The following CFAP57 variants were observed in gnomAD, a reference collection of about 807,000 sequenced individuals.
CFAP57 encodes cilia and flagella associated protein 57.
Under a neutral mutation model 146.8 loss-of-function variants are expected in CFAP57, and 116 were observed. The ratio of observed to expected loss-of-function variants is 0.79; its 90% CI spans 0.68 to 0.92. The LOEUF is 0.92. CFAP57 is among the 40% of genes least tolerant of loss of function. CFAP57 has a pLI of 0.00. For missense variants in CFAP57, 1,377 were observed against 1,527.2 expected, an observed-to-expected ratio of 0.90 and a Z score of 1.64; for synonymous variants, 518 against 552.8, an observed-to-expected ratio of 0.94 and a Z score of 0.88.
chr1:43,183,231 G>C (rs1298002417), intron 3 of CFAP57, among the ~76,000 whole-genome samples: 1 of 152,220 alleles, frequency 6.6e-6, no homozygotes, highest in Non-Finnish European at 1.5e-5. Flanking sequence ...CCCCTGACAT[G>C]TGGTTTCTTT....
rs893895081 is a variant in CFAP57 at position 43,203,965 on chromosome 1, A to G, written c.1543-2755A>G. 4.0e-4 allele frequency among the ~76,000 whole-genome samples: 61 copies of G among 152,196 alleles called. 4 individuals are homozygous for G. On this transcript the variant is annotated intron_variant, in intron 9 of 22. Coordinates refer to ENST00000372492, the MANE Select transcript of CFAP57 (RefSeq NM_001378189.1). Reference sequence around the variant, plus strand: ...CTTCTCCTAGTGCTCTCATTACAGTACCATACGTGGGTGCATTTAATGGAT... The same window carrying G: ...CTTCTCCTAGTGCTCTCATTACAGTGCCATACGTGGGTGCATTTAATGGAT...
At position 43,215,252 on chromosome 1, in the gene CFAP57, C is replaced by T; in HGVS notation, c.1930-3C>T. 6.4e-7 allele frequency: 1 copy of T among 1,551,068 alleles called. No individual in the cohort carries two copies. ...TCCTGGCCATGACCCTTTTTCTCTT[C>T]AGATGTTGCTTACCTTTGATGATCA... is the stretch of plus-strand genomic sequence containing the variant. On this transcript the variant is annotated splice_polypyrimidine_tract_variant and splice_region_variant and intron_variant, in intron 11 of 22. Transcript: ENST00000372492.
intron 2 of CFAP57, chr1:43,177,105 A>T: frequency 2.2e-6 from 1 of 456,090 alleles, no homozygotes; most frequent in Non-Finnish European, 4.4e-6. Flanking sequence ...TGGCAACATG[A>T]TCTGTGTTTC....
intron 6 of CFAP57, among the ~76,000 whole-genome samples, chr1:43,193,267 T>C (rs759146177): frequency 1.3e-5 from 2 of 152,176 alleles, no homozygotes; most frequent in African/African-American, 2.4e-5. Flanking sequence ...TTCCAAACTG[T>C]GTCTCTTATA....
intron 19 of CFAP57, 118 bp from the exon 20 acceptor site, chr1:43,234,161 T>C: frequency 8.3e-7 from 1 of 1,203,804 alleles, no homozygotes; most frequent in Non-Finnish European, 1.1e-6. Flanking sequence ...GGCAGTCAGC[T>C]GTAAGTCCCA....
rs373115482 is a variant in CFAP57, at chr1:43,209,750, G to A, written c.1763G>A (p.Arg588Gln). The stretch of plus-strand genomic sequence containing the variant: ...GAGCTGCCTGTGTCTCAGATCCTTC[G>A]AGAGATATCGGCGTTTGATGTCACC... Reference protein sequence around the residue: ...LKEIADSLILREISAFDVTYT... With the variant: ...LKEIADSLILQEISAFDVTYT... Residue 588 changes from arginine (R) to glutamine (Q), a missense_variant, in exon 11 of 23, where the codon CGA (arginine) becomes CAA (glutamine). Physicochemically the swap from Arg to Gln is conservative, Grantham distance 43 (BLOSUM62 1). Transcript: ENST00000372492. 9 of 1,613,898 alleles carry A rather than the reference G, an allele frequency of 5.6e-6. No individual in the cohort carries two copies. The highest frequency in any genetic ancestry group is 1.7e-5 in the Admixed American group (1 of 60,004).
chr1:43,228,576 CA>C (rs1266564519), intron 18 of CFAP57, among the ~76,000 whole-genome samples: 3 of 147,364 alleles, frequency 2.0e-5, no homozygotes, highest in South Asian at 4.4e-4. Flanking sequence ...AGTCCAGGGC[CA>C]GGGGGCCCAG....
At position 43,173,955 on chromosome 1, in the gene CFAP57, C is replaced by A. The variant is rs549481432; in HGVS notation, c.157+1045C>A. Among the ~76,000 whole-genome samples, 151 of 152,274 alleles carry A rather than the reference C, an allele frequency of 9.9e-4. 1 individual carries two copies. Among genetic ancestry groups the A allele is most frequent in the African/African-American group, 3.5e-3 (146 of 41,534 alleles). On this transcript the variant is annotated intron_variant, in intron 2 of 22. Coordinates refer to ENST00000372492, the MANE Select transcript of CFAP57 (RefSeq NM_001378189.1). ...GTCCAACTTCGTAATTTTTTGCTAA[C>A]CCAATGGTTGAGAAAAGGAATTGTG...
intron 21 of CFAP57, among the ~76,000 whole-genome samples, chr1:43,234,851 C>A (rs1163729167): frequency 6.6e-6 from 1 of 152,090 alleles, no homozygotes; most frequent in Non-Finnish European, 1.5e-5. Context: ...TTTCTAGGCA[C>A]TTCCATGCTG....
At chr1:43,250,679 C>G (rs539418369) in intron 22 of CFAP57, among the ~76,000 whole-genome samples, 1 of 152,312 alleles carries the variant, frequency 6.6e-6, no homozygotes, top group East Asian at 1.9e-4. Flanking sequence ...AGCCAGAGTG[C>G]ACCCTTTCTC....
At chr1:43,176,759 GT>G (rs1645188325) in intron 2 of CFAP57, among the ~76,000 whole-genome samples, 1 of 152,192 alleles carries the variant, frequency 6.6e-6, no homozygotes, top group Non-Finnish European at 1.5e-5. Context: ...AAGTGAAGCC[GT>G]TGGGGGAGTA....
At chr1:43,243,712 T>C (rs1646012054) in intron 22 of CFAP57, among the ~76,000 whole-genome samples, 1 of 152,224 alleles carries the variant, frequency 6.6e-6, no homozygotes, top group Non-Finnish European at 1.5e-5. Flanking sequence ...ATATGAATAT[T>C]CACACTAAGC....
At chr1:43,200,389 C>T (rs551837830) in intron 9 of CFAP57, among the ~76,000 whole-genome samples, 198 of 150,054 alleles carry the variant, frequency 1.3e-3, no homozygotes, top group Admixed American at 1.8e-3. Context: ...TGGGAGGCTG[C>T]GGTGGGAGGA....
At chr1:43,231,464 A>G (rs968357519) in intron 18 of CFAP57, among the ~76,000 whole-genome samples, 1 of 152,232 alleles carries the variant, frequency 6.6e-6, no homozygotes, top group Non-Finnish European at 1.5e-5. Flanking sequence ...GAGTTAGGTC[A>G]ATGAAAGCTC....
chr1:43,226,925 G>T, intron 17 of CFAP57, 58 bp from the exon 18 acceptor site: 1 of 1,436,674 alleles, frequency 7.0e-7, no homozygotes, highest in South Asian at 1.6e-5. Flanking sequence ...TGCCCTAAAG[G>T]GCTGCAGTAT....
chr1:43,212,935 C>CAAAAAA (rs374038535), intron 11 of CFAP57, among the ~76,000 whole-genome samples: 2 of 129,058 alleles, frequency 1.5e-5, no homozygotes, highest in African/African-American at 2.9e-5. Context: ...GACTCTATCT[C>CAAAAAA]AAAAAAAAAA....
intron 22 of CFAP57, among the ~76,000 whole-genome samples, chr1:43,247,979 G>T (rs1646174559): frequency 6.6e-6 from 1 of 151,738 alleles, no homozygotes; most frequent in South Asian, 2.1e-4. Context: ...CAAAAAATTA[G>T]CCGGGCGTGG....
chr1:43,181,401 G>C, intron 2 of CFAP57, 133 bp from the exon 3 acceptor site: 2 of 1,069,548 alleles, frequency 1.9e-6, no homozygotes, highest in Non-Finnish European at 2.8e-6. Context: ...CCCAAACACA[G>C]CTATGCCAAG....
At chr1:43,187,829 G>T (rs1490343690) in intron 6 of CFAP57, among the ~76,000 whole-genome samples, 1 of 152,084 alleles carries the variant, frequency 6.6e-6, no homozygotes, top group African/African-American at 2.4e-5. Flanking sequence ...TTTGAGACAG[G>T]GTCTTGCTCT....
Sources: gnomAD v4.1 joint callset for allele counts (sites outside exome capture counted in the v4.1 genomes callset) on GRCh38, gnomAD v4.1.1 for gene constraint, MANE v1.5 for transcripts, NCBI Gene and HGNC (gene_info 2026-07-23, HGNC 2026-07-21) for gene names.